Variants in MYBL1 observed in about 807,000 individuals in gnomAD.
MYBL1 encodes MYB proto-oncogene like 1, also known as myb-related protein A.
MYBL1 carries 17 observed loss-of-function variants against 96.3 expected under a neutral mutation model. The observed-to-expected ratio is 0.18, with a 90% CI of 0.12 to 0.26. MYBL1 has a LOEUF of 0.26. Ranked by LOEUF, MYBL1 falls within the 10% of genes least tolerant of loss-of-function variation. The pLI, the probability that MYBL1 is intolerant of heterozygous loss-of-function variation, is 1.00. For synonymous variants in MYBL1, 282 were observed against 292.7 expected (o/e 0.96, Z 0.37); for missense variants, 701 against 882.9 (o/e 0.79, Z 2.61).
chr8:66,611,969 T>G (rs1413901922), intron 1 of MYBL1, among the ~76,000 whole-genome samples: 3 of 152,156 alleles, frequency 2.0e-5, no homozygotes, highest in Non-Finnish European at 2.9e-5. Context: ...TCCTATATTT[T>G]TGTTATCTAA....
chr8:66,564,781 G>T lies in MYBL1; in HGVS notation c.2175C>A (p.Asp725Glu). The T allele has an allele frequency of 6.3e-7, 1 of 1,579,304 alleles. No individual in the cohort carries two copies. The highest frequency in any genetic ancestry group is 8.6e-7 in the Non-Finnish European group (1 of 1,158,990). Reference sequence around the variant, plus strand: ...TTGCTTGTTCAGTCATAATAAGTTGGTCTTCTGTCTTCCCATAAACCACTG... The same window carrying T: ...TTGCTTGTTCAGTCATAATAAGTTGTTCTTCTGTCTTCCCATAAACCACTG... ...WETVVYGKTEDQLIMTEQARR... is the reference protein window; with the variant it reads ...WETVVYGKTEEQLIMTEQARR... The change falls in exon 16 of 16, where the codon GAC (aspartate) becomes GAA (glutamate). Residue 725 changes from aspartate (D) to glutamate (E), a missense_variant. Coordinates refer to ENST00000522677, the MANE Select transcript of MYBL1 (RefSeq NM_001080416.4).
Position 66,574,995 on chromosome 8 carries a change from G to A in MYBL1, c.1470+1012C>T, listed in dbSNP as rs189385233. On this transcript the variant is annotated intron_variant, in intron 10 of 15. Coordinates refer to ENST00000522677, the MANE Select transcript of MYBL1 (RefSeq NM_001080416.4). ...CTTGAACCCGGGAGGCGGAGGTTGCGGTGAGCCGAGATGGTGCCATTGCAC... is the reference window on the plus strand; with the variant it reads ...CTTGAACCCGGGAGGCGGAGGTTGCAGTGAGCCGAGATGGTGCCATTGCAC... 3.7e-4 allele frequency among the ~76,000 whole-genome samples: 56 copies of A among 152,208 alleles called. 1 individual carries two copies. In the East Asian group the frequency reaches 7.9e-3, roughly 22 times the overall value.
At chr8:66,568,241 G>A (rs897069068) in intron 12 of MYBL1, among the ~76,000 whole-genome samples, 1 of 152,058 alleles carries the variant, frequency 6.6e-6, no homozygotes, top group East Asian at 1.9e-4. Context: ...AATTATGTTA[G>A]TGTTTCCGTA....
intron 6 of MYBL1, among the ~76,000 whole-genome samples, chr8:66,594,852 C>T (rs1809788795): frequency 6.6e-6 from 1 of 152,000 alleles, no homozygotes; most frequent in African/African-American, 2.4e-5. Context: ...AATATCTTGC[C>T]CAATTTTATC....
intron 6 of MYBL1, among the ~76,000 whole-genome samples, chr8:66,593,422 TC>T (rs924892231): frequency 1.1e-4 from 17 of 152,216 alleles, no homozygotes; most frequent in African/African-American, 3.9e-4. Context: ...AGACTTTTTT[TC>T]AGATGAAATA....
chr8:66,565,031 C>T, intron 15 of MYBL1: 1 of 308,230 alleles, frequency 3.2e-6, no homozygotes, highest in Non-Finnish European at 5.7e-6. Flanking sequence ...TTTAAAAAGT[C>T]AATTATTTTA....
At chr8:66,607,108 T>C (rs1429623366) in intron 1 of MYBL1, among the ~76,000 whole-genome samples, 1 of 151,410 alleles carries the variant, frequency 6.6e-6, no homozygotes, top group African/African-American at 2.4e-5. Flanking sequence ...ATGGTTGTTT[T>C]ATTAAACTGT....
intron 8 of MYBL1, among the ~76,000 whole-genome samples, chr8:66,584,350 C>T (rs1372442100): frequency 6.6e-6 from 1 of 152,100 alleles, no homozygotes; most frequent in Non-Finnish European, 1.5e-5. Flanking sequence ...CTATTCAACA[C>T]AGTACTGGAA....
chr8:66,586,014 T>C (rs1166237581), intron 8 of MYBL1, among the ~76,000 whole-genome samples: 1 of 149,694 alleles, frequency 6.7e-6, no homozygotes, highest in Non-Finnish European at 1.5e-5. Flanking sequence ...ATACTAATAA[T>C]AATCTGGTTT....
At chr8:66,565,787 G>C (rs1808480182) in intron 15 of MYBL1, among the ~76,000 whole-genome samples, 1 of 152,072 alleles carries the variant, frequency 6.6e-6, no homozygotes, top group Non-Finnish European at 1.5e-5. Flanking sequence ...AGAGGTGCCA[G>C]AAGTAGATTT....
chr8:66,573,387 G>T lies in MYBL1; in HGVS notation c.1590C>A (p.Pro530=). The T allele has an allele frequency of 1.2e-6, 2 of 1,609,296 alleles. No homozygotes were observed. Among genetic ancestry groups the T allele is most frequent in the South Asian group, 1.1e-5 (1 of 89,740 alleles). Residue 530 remains proline, a synonymous_variant, in exon 11 of 16, where the codon CCC becomes CCA. Coordinates refer to ENST00000522677, the MANE Select transcript of MYBL1 (RefSeq NM_001080416.4). ...ITTPLHKETT[P]KDQKENVGFR... ...ACCCTACATTTTCCTTTTGATCTTT[G>T]GGAGTTGTTTCCTTATGAAGAGGAG...
intron 6 of MYBL1, among the ~76,000 whole-genome samples, chr8:66,593,740 T>C (rs773564504): frequency 1.3e-5 from 2 of 152,242 alleles, no homozygotes; most frequent in Non-Finnish European, 2.9e-5. Context: ...CTAAGTATCA[T>C]TCTGCTTCTT....
In MYBL1 at chr8:66,580,141, T is replaced by C; in HGVS notation, c.1093A>G (p.Ile365Val). 1 of 1,599,166 alleles carries C rather than the reference T, an allele frequency of 6.3e-7. No individual in the cohort carries two copies. The highest frequency in any genetic ancestry group is 8.6e-7 in the Non-Finnish European group (1 of 1,169,324). The change falls in exon 9 of 16, where the codon ATT (isoleucine) becomes GTT (valine). Residue 365 changes from isoleucine (I) to valine (V), a missense_variant. This residue lies in a region of MYBL1 where 396 missense variants were observed against 407.4 expected (regional missense o/e 0.97). Coordinates refer to ENST00000522677, the MANE Select transcript of MYBL1 (RefSeq NM_001080416.4). ...TACAATTTTTTACTTACAGATTCAA[T>C]AAGTTCTAGAGTCTCTGCAAATTCT... is the stretch of plus-strand genomic sequence containing the variant. Reference protein sequence around the residue: ...IPEFAETLELIESDPVAWSDV... With the variant: ...IPEFAETLELVESDPVAWSDV...
chr8:66,573,199 A>C (rs1808803416), intron 11 of MYBL1, among the ~76,000 whole-genome samples, 165 bp downstream of exon 11: 1 of 152,196 alleles, frequency 6.6e-6, no homozygotes, highest in Non-Finnish European at 1.5e-5. Context: ...GGGCAACGAG[A>C]GCAAAATTCC....
At chr8:66,588,389 C>T (rs1365773311) in intron 8 of MYBL1, among the ~76,000 whole-genome samples, 11 of 151,516 alleles carry the variant, frequency 7.3e-5, no homozygotes, top group Non-Finnish European at 5.9e-5. Context: ...AAGTGATCCT[C>T]CCACCTCACC....
intron 5 of MYBL1, 72 bp from the exon 6 acceptor site, chr8:66,595,829 A>G: frequency 2.0e-6 from 2 of 999,634 alleles, no homozygotes; most frequent in Non-Finnish European, 2.7e-6. Flanking sequence ...TAACTTGTAC[A>G]AAGTGCTTAA....
At chr8:66,610,972 CA>C (rs926494821) in intron 1 of MYBL1, among the ~76,000 whole-genome samples, 18 of 152,072 alleles carry the variant, frequency 1.2e-4, no homozygotes, top group African/African-American at 4.3e-4. Flanking sequence ...GGATAAATGT[CA>C]AAAGTACAAT....
intron 3 of MYBL1, among the ~76,000 whole-genome samples, 197 bp downstream of exon 3, chr8:66,601,501 G>T (rs1420264198): frequency 4.0e-5 from 6 of 151,810 alleles, no homozygotes; most frequent in African/African-American, 7.3e-5. Context: ...CTGGATAAAC[G>T]CATTACTAGA....
intron 10 of MYBL1, 142 bp downstream of exon 10, chr8:66,575,863 CAG>C: frequency 4.8e-6 from 3 of 620,190 alleles, no homozygotes; most frequent in Middle Eastern, 4.6e-4. Flanking sequence ...TCTATTCTCT[CAG>C]AGTTCAGTAT....
Sources: gnomAD v4.1 joint callset for allele counts (sites outside exome capture counted in the v4.1 genomes callset) on GRCh38, gnomAD v4.1.1 for gene constraint, gnomAD v4.1.1 regional missense constraint, MANE v1.5 for transcripts, NCBI Gene and HGNC (gene_info 2026-07-23, HGNC 2026-07-21) for gene names.